The following AP3M2 variants were observed in gnomAD, a reference collection of about 807,000 sequenced individuals.
AP3M2 encodes the protein AP-3 complex subunit mu-2.
In AP3M2, 28 loss-of-function variants were observed where a neutral mutation model predicts 41.6. That is an observed-to-expected ratio of 0.67 (90% CI 0.50 to 0.92). AP3M2 has a LOEUF of 0.92. Ranked by LOEUF, AP3M2 falls within the 40% of genes least tolerant of loss-of-function variation. The pLI is 0.00. For synonymous variants in AP3M2, 193 were observed against 186.4 expected, an observed-to-expected ratio of 1.04 and a Z score of -0.29; for missense variants, 427 against 521.4, an observed-to-expected ratio of 0.82 and a Z score of 1.76.
At position 42,154,509 on chromosome 8, in the gene AP3M2, G is replaced by A. The variant is rs1441925565; in HGVS notation, c.-72-107G>A. On this transcript the variant is annotated intron_variant, in intron 1 of 8. Transcript: ENST00000396926. ...CTATCTTCAGGCTCATGCAGGAGGG[G>A]AAGATTGGGCCTGGTCTTGAAAGAT... The A allele has an allele frequency of 5.0e-6, 4 of 803,146 alleles. 1 individual carries two copies. The African/African-American group carries it at 5.2e-5, about 10-fold the overall frequency. The allele number at this position is 803,146 out of a possible 1,614,324, so 49.8% of individuals were successfully genotyped here. A position where few individuals can be genotyped will look rare whatever the true frequency, so the allele number is the denominator to read the frequency against.
At position 42,153,100 on chromosome 8, in the gene AP3M2, G is replaced by C. The variant is rs888866655; in HGVS notation, c.-78G>C. On this transcript the variant is annotated 5_prime_UTR_variant, in exon 1 of 9. Coordinates refer to ENST00000396926, the MANE Select transcript of AP3M2 (RefSeq NM_006803.4). ...GAGCAGTGGGCGCTGAGAGCAGCAA[G>C]GCCAGGTGAGGAGTAGGGACGACCC... The C allele has an allele frequency of 4.6e-5, 7 of 152,046 alleles. No homozygotes were observed. In the East Asian group the frequency reaches 1.4e-3, roughly 29 times the overall value. The allele number at this position is 152,046 out of a possible 1,614,324, so 9.4% of individuals were successfully genotyped here. A position where few individuals can be genotyped will look rare whatever the true frequency, so the allele number is the denominator to read the frequency against.
intron 6 of AP3M2, 29 bp from the exon 7 acceptor site, chr8:42,167,135 T>C: frequency 6.2e-7 from 1 of 1,601,198 alleles, no homozygotes; most frequent in Non-Finnish European, 8.6e-7. Flanking sequence ...AGTGCACGAA[T>C]GAAATGACTC....
chr8:42,157,945 A>G lies in AP3M2; in HGVS notation c.278A>G (p.Tyr93Cys), dbSNP rs1804401359. Residue 93 changes from tyrosine to cysteine, a missense_variant, in exon 3 of 9, where the codon TAT (tyrosine) becomes TGT (cysteine). Transcript: ENST00000396926. ...TGTATATTCTGTCTCCATCAGGATT[A>G]TTTTGGAGTCTGTTCAGAGCCAGTG... ...LHRVVDTFQD[Y>C]FGVCSEPVIK... 2.5e-6 allele frequency: 4 copies of G among 1,611,502 alleles called. No homozygotes were observed. The highest frequency in any genetic ancestry group is 3.4e-6 in the Non-Finnish European group (4 of 1,177,794).
chr8:42,160,097 T>C (rs1804470711), intron 3 of AP3M2, among the ~76,000 whole-genome samples: 1 of 152,214 alleles, frequency 6.6e-6, no homozygotes, highest in African/African-American at 2.4e-5. Flanking sequence ...TCCAAAACTT[T>C]TTGGATACTG....
intron 3 of AP3M2, among the ~76,000 whole-genome samples, chr8:42,159,164 T>A (rs1275165711): frequency 1.3e-5 from 2 of 152,220 alleles, no homozygotes; most frequent in Middle Eastern, 3.2e-3. Flanking sequence ...AATCCCTATT[T>A]ATGATGTTAC....
intron 2 of AP3M2, among the ~76,000 whole-genome samples, chr8:42,157,728 A>G (rs995726428): frequency 2.6e-5 from 4 of 152,232 alleles, no homozygotes; most frequent in African/African-American, 9.6e-5. Flanking sequence ...AGAAGAAGCT[A>G]GTAATGACAG....
At chr8:42,167,138 A>G (rs1564119122) in intron 6 of AP3M2, 26 bp from the exon 7 acceptor site, 2 of 1,607,874 alleles carry the variant, frequency 1.2e-6, no homozygotes, top group African/African-American at 1.3e-5. Flanking sequence ...GCACGAATGA[A>G]ATGACTCTTT....
rs1251972282 is a variant in AP3M2, at chr8:42,154,627, TAC to T, written c.-59_-58del. The T allele has an allele frequency of 2.5e-5, 40 of 1,570,852 alleles. No homozygotes were observed. The highest frequency in any genetic ancestry group is 3.4e-5 in the Non-Finnish European group (39 of 1,164,164). On this transcript the variant is annotated 5_prime_UTR_variant, in exon 2 of 9. Coordinates refer to ENST00000396926, the MANE Select transcript of AP3M2 (RefSeq NM_006803.4). ...GCTTTTGTTTTTAGAGTTGAAAACT[TAC>T]AGAGTCCTGAGGCTTTCAGACTGAA...
At position 42,169,015 on chromosome 8, in the gene AP3M2, G is replaced by C; in HGVS notation, c.1211G>C (p.Gly404Ala). The change falls in exon 9 of 9, where the codon GGC becomes GCC. Residue 404 changes from glycine (G) to alanine (A), a missense_variant. Around this residue, in one of 3 missense-constraint regions of AP3M2, gnomAD observed 237 missense variants for 284.9 expected, o/e 0.83. Coordinates refer to ENST00000396926, the MANE Select transcript of AP3M2 (RefSeq NM_006803.4). ...GGAGAAAAGTACAAACCCTTTAAGG[G>C]CATAAAATACATGACCAAAGCTGGG... The part of the protein sequence containing the change: ...MYGEKYKPFK[G>A]IKYMTKAGKF... 1 of 1,611,782 alleles carries C rather than the reference G, an allele frequency of 6.2e-7. No individual in the cohort carries two copies. Among genetic ancestry groups the C allele is most frequent in the Non-Finnish European group, 8.5e-7 (1 of 1,179,082 alleles).
At chr8:42,165,250 A>G (rs770474750) in intron 5 of AP3M2, 94 bp downstream of exon 5, 158 of 1,466,786 alleles carry the variant, frequency 1.1e-4, no homozygotes, top group Non-Finnish European at 1.4e-4. Flanking sequence ...ACAAGAAGAA[A>G]TAATTAGGAC....
intron 6 of AP3M2, 33 bp from the exon 7 acceptor site, chr8:42,167,131 C>T (rs373036548): frequency 1.2e-4 from 198 of 1,595,670 alleles, no homozygotes; most frequent in Non-Finnish European, 1.6e-4. Context: ...TCCCAGTGCA[C>T]GAATGAAATG....
chr8:42,169,815 A>T lies in AP3M2; in HGVS notation c.*754A>T, dbSNP rs535371456. ...GCTGTCCATCAGCACTTGGTCTCTT[A>T]TCTTCAGTGAGAAGGTGACCCGCCT... On this transcript the variant is annotated 3_prime_UTR_variant, in exon 9 of 9. Coordinates refer to ENST00000396926, the MANE Select transcript of AP3M2 (RefSeq NM_006803.4). The T allele has an allele frequency of 2.7e-4, 41 of 152,356 alleles. No individual in the cohort carries two copies. Among genetic ancestry groups the T allele is most frequent in the African/African-American group, 9.4e-4 (39 of 41,582 alleles). 9.4% of individuals were successfully genotyped at this position (152,356 alleles called of 1,614,324 possible). A position where few individuals can be genotyped will look rare whatever the true frequency, so the allele number is the denominator to read the frequency against.
Position 42,165,149 on chromosome 8 carries a change from C to T in AP3M2, c.662C>T (p.Ser221Phe). 12 of 1,613,682 alleles carry T rather than the reference C, an allele frequency of 7.4e-6. No individual in the cohort carries two copies. Among genetic ancestry groups the T allele is most frequent in the South Asian group, 1.1e-5 (1 of 91,006 alleles). ...ACTGGCATGCCAGACCTTACACTTT[C>T]CTTCATGGTAAAATCCTGGGCCAGA... ...KLTGMPDLTL[S>F]FMNPRLLDDV... The change falls in exon 5 of 9, where the codon TCC becomes TTC. Residue 221 changes from serine to phenylalanine, a missense_variant. Around this residue, in one of 3 missense-constraint regions of AP3M2, gnomAD observed 237 missense variants for 284.9 expected, o/e 0.83. Transcript: ENST00000396926.
Position 42,169,208 on chromosome 8 carries a change from A to G in AP3M2, c.*147A>G, listed in dbSNP as rs1804727559. On this transcript the variant is annotated 3_prime_UTR_variant, in exon 9 of 9. Coordinates refer to ENST00000396926, the MANE Select transcript of AP3M2 (RefSeq NM_006803.4). ...TTTCCTTAGCCTTCAGTGCCATGGA[A>G]CTAATCAAGGGAGGAAAAGGTCACC... is the stretch of plus-strand genomic sequence containing the variant. 1.7e-6 allele frequency: 1 copy of G among 591,900 alleles called. No homozygotes were observed. Among genetic ancestry groups the G allele is most frequent in the Admixed American group, 3.5e-5 (1 of 28,754 alleles). 36.7% of individuals were successfully genotyped at this position (591,900 alleles called of 1,614,324 possible).
intron 7 of AP3M2, 49 bp from the exon 8 acceptor site, chr8:42,167,617 G>A: frequency 6.3e-7 from 1 of 1,586,394 alleles, no homozygotes; most frequent in African/African-American, 1.4e-5. Context: ...GGATTCTGCT[G>A]TAACTATTTT....
At chr8:42,153,647 C>T (rs1412936079) in intron 1 of AP3M2, 2 of 151,960 alleles carry the variant, frequency 1.3e-5, no homozygotes, top group Non-Finnish European at 1.5e-5. Context: ...GGGTGTCTGT[C>T]CCCCAGGGAA....
At chr8:42,157,807 T>C in intron 2 of AP3M2, 134 bp from the exon 3 acceptor site, 1 of 779,918 alleles carries the variant, frequency 1.3e-6, no homozygotes, top group Non-Finnish European at 2.0e-6. Flanking sequence ...TTATGCTGCA[T>C]TCCCTCGTTG....
intron 3 of AP3M2, among the ~76,000 whole-genome samples, chr8:42,158,514 G>A (rs1354852408): frequency 6.6e-6 from 1 of 151,926 alleles, no homozygotes; most frequent in African/African-American, 2.4e-5. Context: ...CTCCCAAAGT[G>A]CTGGGATTAC....
chr8:42,159,513 T>C (rs1335334058), intron 3 of AP3M2, among the ~76,000 whole-genome samples: 3 of 152,254 alleles, frequency 2.0e-5, no homozygotes, highest in South Asian at 4.1e-4. Flanking sequence ...TTTCCTCTAT[T>C]GTGAATTACC....
Sources: allele counts gnomAD v4.1 joint callset (sites outside exome capture counted in the v4.1 genomes callset), GRCh38; gene constraint gnomAD v4.1.1; regional missense constraint gnomAD v4.1.1; transcripts MANE v1.5; gene names NCBI Gene and HGNC (gene_info 2026-07-23, HGNC 2026-07-21).